Variants in ST18 observed in about 807,000 individuals in gnomAD.
ST18 encodes the protein suppression of tumorigenicity 18 protein.
A neutral mutation model predicts 110.0 loss-of-function variants in ST18; 50 were observed. The ratio of observed to expected loss-of-function variants is 0.45; its 90% CI spans 0.36 to 0.58. The LOEUF (loss-of-function observed/expected upper bound fraction) is 0.58. ST18 is among the 20% of genes least tolerant of loss of function. ST18 has a pLI of 0.00. For synonymous variants in ST18, 461 were observed against 452.4 expected (o/e 1.02, Z -0.24); for missense variants, 1,306 against 1,280.1 (o/e 1.02, Z -0.31).
intron 8 of ST18, among the ~76,000 whole-genome samples, chr8:52,204,333 G>A (rs751572717): frequency 3.9e-5 from 6 of 152,190 alleles, no homozygotes; most frequent in Non-Finnish European, 7.4e-5. Flanking sequence ...TAAGTAATTA[G>A]TAAAGTCCAA....
chr8:52,219,174 G>A (rs2085638560), intron 5 of ST18, among the ~76,000 whole-genome samples: 1 of 152,084 alleles, frequency 6.6e-6, no homozygotes, highest in Non-Finnish European at 1.5e-5. Flanking sequence ...CACAATGGGA[G>A]CAAAGATGTT....
At chr8:52,232,760 A>G (rs1218030849) in intron 2 of ST18, among the ~76,000 whole-genome samples, 1 of 152,078 alleles carries the variant, frequency 6.6e-6, no homozygotes, top group African/African-American at 2.4e-5. Context: ...GAAGGAAATA[A>G]TAAGATAAAT....
intron 2 of ST18, among the ~76,000 whole-genome samples, chr8:52,373,680 C>G (rs1475933390): frequency 6.6e-6 from 1 of 152,152 alleles, no homozygotes; most frequent in Non-Finnish European, 1.5e-5. Flanking sequence ...TCTTCACTCT[C>G]CTCTTTTCCT....
At chr8:52,253,062 T>C (rs191729315) in intron 2 of ST18, among the ~76,000 whole-genome samples, 3 of 152,156 alleles carry the variant, frequency 2.0e-5, no homozygotes, top group African/African-American at 4.8e-5. Context: ...TATTGGATTT[T>C]GCAGTATTAG....
At position 52,111,233 on chromosome 8, in the gene ST18, T is replaced by C; in HGVS notation, c.*1965A>G. The C allele has an allele frequency of 2.8e-6, 1 of 351,964 alleles. No individual in the cohort carries two copies. Among genetic ancestry groups the C allele is most frequent in the Non-Finnish European group, 5.1e-6 (1 of 196,836 alleles). 21.8% of individuals were successfully genotyped at this position (351,964 alleles called of 1,614,324 possible). On this transcript the variant is annotated 3_prime_UTR_variant, in exon 26 of 26. Coordinates refer to ENST00000689386, the MANE Select transcript of ST18 (RefSeq NM_001352837.2). ...AAATTAAATAAAATATATAACAAACTTGTTAAAATATTTAGCAAATTAAAC... is the reference window on the plus strand; with the variant it reads ...AAATTAAATAAAATATATAACAAACCTGTTAAAATATTTAGCAAATTAAAC...
chr8:52,244,987 G>A (rs562690129), intron 2 of ST18, among the ~76,000 whole-genome samples: 1 of 152,192 alleles, frequency 6.6e-6, no homozygotes, highest in East Asian at 1.9e-4. Flanking sequence ...CCTTTCTAGA[G>A]TAGTCATATT....
At position 52,250,445 on chromosome 8, in the gene ST18, C is replaced by CAAAAAAAAAAAAAAAAAAAAA. The variant is rs1159770176; in HGVS notation, c.-464-20389_-464-20369dup. Among the ~76,000 whole-genome samples the CAAAAAAAAAAAAAAAAAAAAA allele has an allele frequency of 5.1e-3, 22 of 4,280 alleles. 5 individuals are homozygous for CAAAAAAAAAAAAAAAAAAAAA. The highest frequency in any genetic ancestry group is 8.4e-3 in the Non-Finnish European group (20 of 2,374). The allele number at this position is 4,280 out of a possible 152,430, so 2.8% of individuals were successfully genotyped here. A position where few individuals can be genotyped will look rare whatever the true frequency, so the allele number is the denominator to read the frequency against. ...TGACACTGTGGAAGAGCCTCAAAGGCAAAAAAAAAAAAAAAAAAAAAAAAA... is the reference window on the plus strand; with the variant it reads ...TGACACTGTGGAAGAGCCTCAAAGGCAAAAAAAAAAAAAAAAAAAAAAAAAAAAAAAAAAAAAAAAAAAAAA... On this transcript the variant is annotated intron_variant, in intron 2 of 25. Transcript: ENST00000689386.
intron 2 of ST18, among the ~76,000 whole-genome samples, chr8:52,327,810 T>C (rs955295528): frequency 6.6e-6 from 1 of 152,218 alleles, no homozygotes; most frequent in African/African-American, 2.4e-5. Context: ...CTTGCTTCAA[T>C]GCAATACCTC....
chr8:52,140,510 C>T (rs564545579), intron 17 of ST18, among the ~76,000 whole-genome samples: 17 of 150,890 alleles, frequency 1.1e-4, no homozygotes, highest in South Asian at 2.1e-4. Context: ...GGCAACAGAG[C>T]GGGACCCCAT....
At chr8:52,391,369 T>C (rs1839272824) in intron 2 of ST18, among the ~76,000 whole-genome samples, 1 of 152,130 alleles carries the variant, frequency 6.6e-6, no homozygotes. Flanking sequence ...GTGCAGACAT[T>C]CACACAGGTC....
intron 2 of ST18, among the ~76,000 whole-genome samples, chr8:52,347,456 CAA>C (rs748252894): frequency 1.3e-5 from 2 of 151,918 alleles, no homozygotes; most frequent in Non-Finnish European, 2.9e-5. Flanking sequence ...CAGAACAGTT[CAA>C]ATACATTATA....
chr8:52,402,909 G>A (rs1298385988), intron 2 of ST18, among the ~76,000 whole-genome samples: 1 of 152,196 alleles, frequency 6.6e-6, no homozygotes, highest in East Asian at 1.9e-4. Flanking sequence ...GCACTATGGG[G>A]TGTGGCTGCT....
intron 8 of ST18, among the ~76,000 whole-genome samples, chr8:52,187,214 T>C (rs1229579015): frequency 4.6e-5 from 7 of 152,184 alleles, no homozygotes; most frequent in African/African-American, 1.4e-4. Context: ...TAAGATTTAG[T>C]GAGTACTTGC....
intron 2 of ST18, among the ~76,000 whole-genome samples, chr8:52,345,635 T>C (rs1458143671): frequency 6.6e-6 from 1 of 152,148 alleles, no homozygotes; most frequent in African/African-American, 2.4e-5. Context: ...ATAGAGGATG[T>C]GAAGTTGGAA....
At chr8:52,116,134 G>T in intron 25 of ST18, 141 bp downstream of exon 25, 1 of 887,154 alleles carries the variant, frequency 1.1e-6, no homozygotes, top group Non-Finnish European at 1.6e-6. Flanking sequence ...ATTACTCCAA[G>T]CCAGACTGTG....
intron 10 of ST18, among the ~76,000 whole-genome samples, chr8:52,169,917 A>G (rs1416269173): frequency 6.6e-6 from 1 of 152,208 alleles, no homozygotes; most frequent in African/African-American, 2.4e-5. Context: ...AATTGGCCCA[A>G]ATGTTTACAA....
At chr8:52,336,826 A>C (rs996043533) in intron 2 of ST18, among the ~76,000 whole-genome samples, 1 of 152,240 alleles carries the variant, frequency 6.6e-6, no homozygotes, top group Non-Finnish European at 1.5e-5. Context: ...AAAAGACCAC[A>C]CTTTCTGACA....
In ST18 at chr8:52,159,116, A is replaced by C; in HGVS notation, c.1595-7T>G. The C allele has an allele frequency of 6.2e-7, 1 of 1,612,416 alleles. No homozygotes were observed. The highest frequency in any genetic ancestry group is 1.1e-5 in the South Asian group (1 of 90,924). On this transcript the variant is annotated splice_polypyrimidine_tract_variant and splice_region_variant and intron_variant, in intron 14 of 25. Coordinates refer to ENST00000689386, the MANE Select transcript of ST18 (RefSeq NM_001352837.2). ...GGATTTGGAAAATGCTTTGCTGTTGAAGAGAGATTTGATTAGCAATTGCAT... is the reference window on the plus strand; with the variant it reads ...GGATTTGGAAAATGCTTTGCTGTTGCAGAGAGATTTGATTAGCAATTGCAT...
At chr8:52,363,320 C>T (rs903235215) in intron 2 of ST18, among the ~76,000 whole-genome samples, 40 of 152,162 alleles carry the variant, frequency 2.6e-4, no homozygotes, top group Admixed American at 2.1e-3. Flanking sequence ...AGTGGGTAAA[C>T]ATTTAGAATT....
Sources: gnomAD v4.1 joint callset for allele counts (sites outside exome capture counted in the v4.1 genomes callset) on GRCh38, gnomAD v4.1.1 for gene constraint, MANE v1.5 for transcripts, NCBI Gene and HGNC (gene_info 2026-07-23, HGNC 2026-07-21) for gene names.